Variants in SLC38A7 observed in about 807,000 individuals in gnomAD.
SLC38A7 encodes solute carrier family 38 member 7.
Under a neutral mutation model 50.1 loss-of-function variants are expected in SLC38A7, and 29 were observed. The observed-to-expected ratio is 0.58, with a 90% CI of 0.43 to 0.79. SLC38A7 has a LOEUF of 0.79. SLC38A7 is among the 30% of genes least tolerant of loss of function. SLC38A7 has a pLI of 0.00. For synonymous variants in SLC38A7, 244 were observed against 245.9 expected (o/e 0.99, Z 0.07); for missense variants, 483 against 610.6 (o/e 0.79, Z 2.20).
chr16:58,669,983 A>G (rs372843887), intron 11 of SLC38A7, 130 bp downstream of exon 11: 1 of 840,902 alleles, frequency 1.2e-6, no homozygotes, highest in Non-Finnish European at 1.8e-6. Flanking sequence ...TCAAAAAAAA[A>G]AAAACAAAAC....
At chr16:58,683,798 C>T (rs2044439539) in intron 2 of SLC38A7, 157 bp downstream of exon 2, 1 of 152,410 alleles carries the variant, frequency 6.6e-6, no homozygotes, top group Admixed American at 6.5e-5. Flanking sequence ...CACCATCCTC[C>T]AGCCTCTCCT....
rs2044327829 is a variant in SLC38A7 at position 58,678,945 on chromosome 16, G to A, written c.271-51C>T. On this transcript the variant is annotated intron_variant, in intron 3 of 11. Coordinates refer to ENST00000219320, the MANE Select transcript of SLC38A7 (RefSeq NM_018231.3). The surrounding 1 kb of genome is among the most constrained non-coding windows in gnomAD (Gnocchi z 4.0). ...TTGTGGCAAAGGCCTGGCAGCAGAG[G>A]GCACCCTGGGCTCGCCTAGCATTTA... 2.5e-6 allele frequency: 4 copies of A among 1,576,028 alleles called. No individual in the cohort carries two copies. The East Asian group carries it at 9.0e-5, about 35-fold the overall frequency.
intron 3 of SLC38A7, chr16:58,679,512 T>C (rs964315112): frequency 9.8e-5 from 50 of 508,062 alleles, no homozygotes; most frequent in Non-Finnish European, 1.6e-4. Flanking sequence ...TCTGCATTTA[T>C]TGTGAAGCCA....
rs1407962880 is a variant in SLC38A7, at chr16:58,672,184, G to T, written c.943C>A (p.Pro315Thr). 6 of 1,574,272 alleles carry T rather than the reference G, an allele frequency of 3.8e-6. No individual in the cohort carries two copies. The highest frequency in any genetic ancestry group is 5.2e-6 in the Non-Finnish European group (6 of 1,159,996). ...AVDPDVLLSY[P>T]SEDMAVAVAR... Reference sequence around the variant, plus strand: ...ACGGCCACGGCCATGTCCTCCGAGGGATAGGACAGGAGCACGTCAGGATCC... The same window carrying T: ...ACGGCCACGGCCATGTCCTCCGAGGTATAGGACAGGAGCACGTCAGGATCC... Residue 315 changes from proline to threonine, a missense_variant, in exon 9 of 12, where the codon CCC becomes ACC. Coordinates refer to ENST00000219320, the MANE Select transcript of SLC38A7 (RefSeq NM_018231.3).
At chr16:58,684,562 C>T in intron 1 of SLC38A7, 155 bp downstream of exon 1, 1 of 152,758 alleles carries the variant, frequency 6.5e-6, no homozygotes, top group Non-Finnish European at 1.5e-5. Context: ...GCAGAGCTGG[C>T]GCAACAGAGG....
At chr16:58,671,813 T>C in intron 9 of SLC38A7, 1 of 288,536 alleles carries the variant, frequency 3.5e-6, no homozygotes, top group African/African-American at 2.2e-5. Context: ...AAGCGATCCT[T>C]CTGCCTCAGC....
Position 58,665,250 on chromosome 16 carries a change from C to T in SLC38A7, c.*2135G>A, listed in dbSNP as rs979773430. 2 of 152,216 alleles carry T rather than the reference C, an allele frequency of 1.3e-5. No homozygotes were observed. The highest frequency in any genetic ancestry group is 1.3e-4 in the Admixed American group (2 of 15,272). 9.4% of individuals were successfully genotyped at this position (152,216 alleles called of 1,614,324 possible). Reference sequence around the variant, plus strand: ...TGAGGTTAGGACAAGAGGCCAGATTCCAGCTCCTTCTCCTGACTGGTCTGT... The same window carrying T: ...TGAGGTTAGGACAAGAGGCCAGATTTCAGCTCCTTCTCCTGACTGGTCTGT... On this transcript the variant is annotated 3_prime_UTR_variant, in exon 12 of 12. Coordinates refer to ENST00000219320, the MANE Select transcript of SLC38A7 (RefSeq NM_018231.3).
Position 58,677,501 on chromosome 16 carries a change from T to A in SLC38A7, c.612-77A>T, listed in dbSNP as rs539336622. On this transcript the variant is annotated intron_variant, in intron 5 of 11. Coordinates refer to ENST00000219320, the MANE Select transcript of SLC38A7 (RefSeq NM_018231.3). ...ATTCCACCCCTAGGGACATCCACCT[T>A]CAGCTCTAGCGACCACAAGTGTCCA... 4 of 1,295,574 alleles carry A rather than the reference T, an allele frequency of 3.1e-6. No homozygotes were observed. The African/African-American group carries it at 5.8e-5, about 19-fold the overall frequency. The allele number at this position is 1,295,574 out of a possible 1,614,324, so 80.3% of individuals were successfully genotyped here.
Position 58,678,718 on chromosome 16 carries a change from G to A in SLC38A7, c.447C>T (p.Ile149=), listed in dbSNP as rs2044322486. 3 of 1,614,014 alleles carry A rather than the reference G, an allele frequency of 1.9e-6. No individual in the cohort carries two copies. The highest frequency in any genetic ancestry group is 1.3e-5 in the African/African-American group (1 of 74,934). The change falls in exon 4 of 12, where the codon ATC becomes ATT. Residue 149 remains isoleucine (I), a synonymous_variant. Transcript: ENST00000219320. This position sits in a 1 kb window ranked among gnomAD's most constrained non-coding sequence, Gnocchi z 4.0. ...CACTCTTGTCCTGCTGGTCGCCAAT[G>A]ATGATTAGGAAGGCAATGCAGGTGC... ...TFGTCIAFLI[I]IGDQQDKIIA... is the part of the protein sequence containing the mutation.
At chr16:58,671,314 C>G (rs936290297) in intron 9 of SLC38A7, 70 bp from the exon 10 acceptor site, 3 of 1,510,812 alleles carry the variant, frequency 2.0e-6, no homozygotes, top group Admixed American at 3.6e-5. Context: ...CTCACAGGAG[C>G]CAGACCCCTA....
At chr16:58,668,536 C>T (rs924146745) in intron 11 of SLC38A7, among the ~76,000 whole-genome samples, 2 of 150,578 alleles carry the variant, frequency 1.3e-5, no homozygotes, top group African/African-American at 4.9e-5. Context: ...GATTCCATCT[C>T]AAAACAACAA....
chr16:58,678,763 G>A lies in SLC38A7; in HGVS notation c.402C>T (p.Ala134=). The part of the protein sequence containing the change: ...GKLTGVLCEV[A]IAVYTFGTCI... ...AGGTGCCAAAGGTGTAGACAGCGAT[G>A]GCCACCTCACATAGCACACCTGTCA... Residue 134 remains alanine (A), a synonymous_variant, in exon 4 of 12, where the codon GCC becomes GCT. Transcript: ENST00000219320. This position sits in a 1 kb window ranked among gnomAD's most constrained non-coding sequence, Gnocchi z 4.0. The A allele has an allele frequency of 6.2e-7, 1 of 1,614,196 alleles. No homozygotes were observed. The highest frequency in any genetic ancestry group is 8.5e-7 in the Non-Finnish European group (1 of 1,180,030).
chr16:58,668,611 C>G (rs566533241), intron 11 of SLC38A7, among the ~76,000 whole-genome samples: 1 of 143,180 alleles, frequency 7.0e-6, no homozygotes, highest in South Asian at 2.3e-4. Context: ...ACTCAGGAGG[C>G]TGAGGCAGGA....
At chr16:58,676,933 C>T (rs953986447) in intron 6 of SLC38A7, among the ~76,000 whole-genome samples, 3 of 151,976 alleles carry the variant, frequency 2.0e-5, no homozygotes, top group African/African-American at 4.8e-5. Flanking sequence ...GGATTACAGG[C>T]GTGAGCCATT....
intron 8 of SLC38A7, among the ~76,000 whole-genome samples, chr16:58,673,238 A>ATTT (rs35439184): frequency 3.6e-5 from 5 of 137,698 alleles, no homozygotes; most frequent in Admixed American, 2.2e-4. Context: ...CACCTGGCTA[A>ATTT]TTTTTTTTTT....
Position 58,671,122 on chromosome 16 carries a change from G to T in SLC38A7, c.1154C>A (p.Ala385Glu). The T allele has an allele frequency of 6.2e-7, 1 of 1,613,906 alleles. No homozygotes were observed. Among genetic ancestry groups the T allele is most frequent in the Non-Finnish European group, 8.5e-7 (1 of 1,179,910 alleles). Reference protein sequence around the residue: ...LVWFLLTLLLALFIPDIGKVI... With the variant: ...LVWFLLTLLLELFIPDIGKVI... ...CTTGCCGATGTCAGGGATGAAGAGC[G>T]CCAGCAGCAGGGTGAGCAGGAACCA... The change falls in exon 10 of 12, where the codon GCG (alanine) becomes GAG (glutamate). Residue 385 changes from alanine (A) to glutamate (E), a missense_variant. Physicochemically the swap from Ala to Glu is moderately radical, Grantham distance 107. Coordinates refer to ENST00000219320, the MANE Select transcript of SLC38A7 (RefSeq NM_018231.3).
intron 9 of SLC38A7, chr16:58,671,881 T>G: frequency 6.4e-6 from 3 of 466,302 alleles, no homozygotes; most frequent in Non-Finnish European, 1.1e-5. Flanking sequence ...GGATAGAGAT[T>G]CTTACAGGAC....
chr16:58,679,464 C>T, intron 3 of SLC38A7: 1 of 465,662 alleles, frequency 2.1e-6, no homozygotes, highest in Non-Finnish European at 3.8e-6. Flanking sequence ...ATGATCAATG[C>T]ATGGCCAACT....
chr16:58,667,628 A>C, intron 11 of SLC38A7, 141 bp from the exon 12 acceptor site: 3 of 617,288 alleles, frequency 4.9e-6, no homozygotes, highest in Non-Finnish European at 7.9e-6. Flanking sequence ...AGACTTCAAT[A>C]CAAAGGTAGT....
Sources: gnomAD v4.1 joint callset for allele counts (sites outside exome capture counted in the v4.1 genomes callset) on GRCh38, gnomAD v4.1.1 for gene constraint, Gnocchi (gnomAD v3.1) non-coding constraint, MANE v1.5 for transcripts, NCBI Gene and HGNC (gene_info 2026-07-23, HGNC 2026-07-21) for gene names.